Variants in SMIM31 observed in about 807,000 individuals in gnomAD.
SMIM31 encodes small integral membrane protein 31, also known as human epithelial cell program regulator.
At chr4:164,767,324 G>A (rs1423019147) in intron 1 of SMIM31, among the ~76,000 whole-genome samples, 1 of 152,136 alleles carries the variant, frequency 6.6e-6, no homozygotes, top group Non-Finnish European at 1.5e-5. Context: ...TTAGTCACTA[G>A]TAAATGATTT....
At chr4:164,769,268 C>T (rs928117773) in intron 1 of SMIM31, among the ~76,000 whole-genome samples, 42 of 152,224 alleles carry the variant, frequency 2.8e-4, no homozygotes, top group African/African-American at 9.9e-4. Flanking sequence ...TGCTTCATCA[C>T]GTCTCCGTAC....
intron 1 of SMIM31, among the ~76,000 whole-genome samples, chr4:164,762,426 T>C (rs1318588127): frequency 2.0e-5 from 3 of 151,760 alleles, no homozygotes; most frequent in Non-Finnish European, 4.4e-5. Context: ...TTGAAAGTAT[T>C]CAATATCTGG....
rs559933435 is a variant in SMIM31 at position 164,780,384 on chromosome 4, G to A, written c.112+9829G>A. ...GGAGGTTGCAGTGAGCCGAGATTGC[G>A]CCACTGCACTCCAGCCTGGGTGACA... is the stretch of plus-strand genomic sequence containing the variant. On this transcript the variant is annotated intron_variant, in intron 2 of 2. Coordinates refer to ENST00000507311, the MANE Select transcript of SMIM31 (RefSeq NM_001352885.1). Among the ~76,000 whole-genome samples the A allele has an allele frequency of 7.1e-4, 108 of 152,272 alleles. 2 individuals carry two copies. In the South Asian group the frequency reaches 0.018, roughly 26 times the overall value.
intron 1 of SMIM31, among the ~76,000 whole-genome samples, chr4:164,760,189 A>G (rs1732627217): frequency 6.6e-6 from 1 of 152,228 alleles, no homozygotes; most frequent in African/African-American, 2.4e-5. Context: ...AGGGTCTTCC[A>G]ACAGGACATT....
At chr4:164,798,236 T>A (rs1038569178) in intron 2 of SMIM31, among the ~76,000 whole-genome samples, 2 of 151,016 alleles carry the variant, frequency 1.3e-5, no homozygotes, top group African/African-American at 2.4e-5. Context: ...TTTTATTTTT[T>A]TTTTTTATTT....
chr4:164,771,822 T>TAA (rs1163110517), intron 2 of SMIM31, among the ~76,000 whole-genome samples: 1 of 151,820 alleles, frequency 6.6e-6, no homozygotes, highest in Non-Finnish European at 1.5e-5. Context: ...AAACAAAAAT[T>TAA]AAAAATTAAA....
chr4:164,784,362 T>G (rs1732999760), intron 2 of SMIM31, among the ~76,000 whole-genome samples: 1 of 152,256 alleles, frequency 6.6e-6, no homozygotes, highest in Non-Finnish European at 1.5e-5. Context: ...TGGGTAAATG[T>G]AACTGCTAGA....
intron 2 of SMIM31, among the ~76,000 whole-genome samples, chr4:164,773,496 CAGAAGA>C: frequency 6.6e-6 from 1 of 152,208 alleles, no homozygotes; most frequent in East Asian, 1.9e-4. Context: ...ATTTAGTGGC[CAGAAGA>C]AGAAGAATGA....
At chr4:164,764,340 G>C (rs920275789) in intron 1 of SMIM31, among the ~76,000 whole-genome samples, 1 of 151,846 alleles carries the variant, frequency 6.6e-6, no homozygotes, top group African/African-American at 2.4e-5. Context: ...AGGCCGAGGC[G>C]GGCAGATCAT....
intron 1 of SMIM31, among the ~76,000 whole-genome samples, chr4:164,768,133 G>A (rs557262472): frequency 1.7e-4 from 26 of 152,076 alleles, no homozygotes; most frequent in African/African-American, 4.1e-4. Context: ...CTATTCTGGA[G>A]GCTGAAATGA....
intron 2 of SMIM31, among the ~76,000 whole-genome samples, chr4:164,787,901 T>C (rs1215961948): frequency 6.6e-6 from 1 of 152,192 alleles, no homozygotes; most frequent in Non-Finnish European, 1.5e-5. Flanking sequence ...TTTGGCAATC[T>C]ACTTATATAT....
At chr4:164,772,291 C>A (rs1732814386) in intron 2 of SMIM31, among the ~76,000 whole-genome samples, 1 of 152,078 alleles carries the variant, frequency 6.6e-6, no homozygotes, top group Non-Finnish European at 1.5e-5. Context: ...AACTCACTGC[C>A]ATGACGATAG....
intron 2 of SMIM31, among the ~76,000 whole-genome samples, chr4:164,772,611 C>T (rs1203724669): frequency 1.4e-5 from 2 of 143,910 alleles, no homozygotes; most frequent in African/African-American, 2.6e-5. Context: ...CGGAGTCTCG[C>T]TCTGTCGCCC....
chr4:164,756,397 T>C (rs62352408), intron 1 of SMIM31, among the ~76,000 whole-genome samples: 17,249 of 151,772 alleles, frequency 0.11, 1,093 homozygotes, highest in African/African-American at 0.16. Flanking sequence ...GGTGAAACAC[T>C]GTCTCTACTA....
chr4:164,764,603 G>A (rs182285290), intron 1 of SMIM31, among the ~76,000 whole-genome samples: 5 of 151,864 alleles, frequency 3.3e-5, no homozygotes. Flanking sequence ...AAAATGTGGT[G>A]GGTGCTGTTG....
Position 164,798,422 on chromosome 4 carries a change from T to C in SMIM31, c.113-2669T>C, listed in dbSNP as rs554972270. The stretch of plus-strand genomic sequence containing the variant: ...TTAATATTTTGTATTTTTTTTTTTT[T>C]AGTAGAGACGGGGTTTCACCATGTT... On this transcript the variant is annotated intron_variant, in intron 2 of 2. Transcript: ENST00000507311. Among the ~76,000 whole-genome samples, 412 of 151,734 alleles carry C rather than the reference T, an allele frequency of 2.7e-3. 5 individuals are homozygous for C. Among genetic ancestry groups the C allele is most frequent in the African/African-American group, 9.4e-3 (387 of 41,370 alleles).
intron 1 of SMIM31, among the ~76,000 whole-genome samples, chr4:164,764,205 A>G (rs1033641793): frequency 6.6e-6 from 1 of 152,108 alleles, no homozygotes; most frequent in Non-Finnish European, 1.5e-5. Context: ...GGAGGCATGG[A>G]TTGCCCTATA....
intron 1 of SMIM31, among the ~76,000 whole-genome samples, chr4:164,756,341 C>T (rs910355588): frequency 5.7e-4 from 86 of 152,138 alleles, no homozygotes; most frequent in African/African-American, 1.9e-3. Context: ...GAGGCTGGGG[C>T]AGGCGGATCA....
chr4:164,799,124 G>A (rs935862625), intron 2 of SMIM31, among the ~76,000 whole-genome samples: 5 of 152,056 alleles, frequency 3.3e-5, no homozygotes, highest in African/African-American at 9.7e-5. Context: ...GGTGGCTCAC[G>A]TCTATAATCC....
Sources: gnomAD v4.1 joint callset for allele counts (sites outside exome capture counted in the v4.1 genomes callset) on GRCh38, gnomAD v4.1.1 for gene constraint, MANE v1.5 for transcripts, NCBI Gene and HGNC (gene_info 2026-07-23, HGNC 2026-07-21) for gene names.